The following FARP2 variants were observed in gnomAD, a reference collection of about 807,000 sequenced individuals.
FARP2 encodes FERM, ARH/RhoGEF and pleckstrin domain protein 2.
In FARP2, 111 loss-of-function variants were observed where a neutral mutation model predicts 130.5. The ratio of observed to expected loss-of-function variants is 0.85; its 90% CI spans 0.73 to 1.00. The LOEUF is 1.00. FARP2 is among the 50% of genes least tolerant of loss of function. The pLI, the probability that FARP2 is intolerant of heterozygous loss-of-function variation, is 0.00. For missense variants in FARP2, 1,385 were observed against 1,346.3 expected (o/e 1.03, Z -0.45); for synonymous variants, 504 against 516.9 (o/e 0.98, Z 0.34).
At chr2:241,415,089 G>C (rs769840953) in intron 7 of FARP2, among the ~76,000 whole-genome samples, 2 of 152,202 alleles carry the variant, frequency 1.3e-5, no homozygotes, top group Non-Finnish European at 2.9e-5. Context: ...CAGACCATGC[G>C]TGCAGAGCTC....
rs2062421438 is a variant in FARP2 at position 241,408,362 on chromosome 2, A to G, written c.410+747A>G. On this transcript the variant is annotated intron_variant, in intron 5 of 26. Transcript: ENST00000264042. ...ACTCTAGCCTGGGTGACAGAGCGAG[A>G]CTCCGTCTCAAAAAAAAAAAAGAAA... is the stretch of plus-strand genomic sequence containing the variant. 5.3e-5 allele frequency among the ~76,000 whole-genome samples: 8 copies of G among 150,462 alleles called. No homozygotes were observed. In the Admixed American group the frequency reaches 5.3e-4, roughly 10 times the overall value.
At chr2:241,381,369 C>T (rs1318246623) in intron 2 of FARP2, among the ~76,000 whole-genome samples, 3 of 152,060 alleles carry the variant, frequency 2.0e-5, no homozygotes, top group African/African-American at 4.8e-5. Flanking sequence ...GATTGAGGAC[C>T]GCTGACTTTG....
chr2:241,441,135 T>C (rs2063372311), intron 12 of FARP2, among the ~76,000 whole-genome samples, 169 bp from the exon 13 acceptor site: 3 of 152,228 alleles, frequency 2.0e-5, no homozygotes, highest in Non-Finnish European at 4.4e-5. Context: ...GCAATGCTAC[T>C]TTTACAAATC....
chr2:241,405,145 ATTC>A (rs1469625253), intron 4 of FARP2: 1 of 229,908 alleles, frequency 4.3e-6, no homozygotes, highest in Non-Finnish European at 8.5e-6. Context: ...AGACATTGAG[ATTC>A]TTCTTTTAAG....
chr2:241,418,114 G>A lies in FARP2; in HGVS notation c.771+5G>A, dbSNP rs1360534834. The stretch of plus-strand genomic sequence containing the variant: ...ATGGGTGTACTCGTGTTCCAGGTAG[G>A]CCAGTGGGGAAGGGAGGGGTGAGAA... On this transcript the variant is annotated splice_donor_5th_base_variant and intron_variant, in intron 8 of 26. Coordinates refer to ENST00000264042, the MANE Select transcript of FARP2 (RefSeq NM_014808.4). 1 of 1,614,184 alleles carries A rather than the reference G, an allele frequency of 6.2e-7. No individual in the cohort carries two copies. The highest frequency in any genetic ancestry group is 1.1e-5 in the South Asian group (1 of 91,084).
chr2:241,382,292 A>ATTTTTTTTT (rs772855102), intron 2 of FARP2, among the ~76,000 whole-genome samples: 1 of 126,264 alleles, frequency 7.9e-6, no homozygotes, highest in African/African-American at 2.9e-5. Flanking sequence ...TACAAAATCT[A>ATTTTTTTTT]TTTTTTTTTT....
intron 2 of FARP2, among the ~76,000 whole-genome samples, chr2:241,385,758 C>T (rs2061769463): frequency 6.6e-6 from 1 of 152,058 alleles, no homozygotes; most frequent in Admixed American, 6.6e-5. Context: ...TACCTATTTG[C>T]CCACACCCAG....
chr2:241,367,396 A>C (rs1037409654), intron 1 of FARP2, among the ~76,000 whole-genome samples: 1 of 152,102 alleles, frequency 6.6e-6, no homozygotes, highest in Non-Finnish European at 1.5e-5. Context: ...GCTTCCTCAC[A>C]TTGACTATTT....
At position 241,431,731 on chromosome 2, in the gene FARP2, T is replaced by C; in HGVS notation, c.824T>C (p.Phe275Ser). The change falls in exon 9 of 27, where the codon TTC (phenylalanine) becomes TCC (serine). Residue 275 changes from phenylalanine to serine, a missense_variant. Transcript: ENST00000264042. ...TGGTCCAAGGTCCGTAAACTAAGCT[T>C]CAAGAGGAAAAGATTTCTTATCAAA... ...FNWSKVRKLS[F>S]KRKRFLIKLH... The C allele has an allele frequency of 6.3e-7, 1 of 1,599,354 alleles. No homozygotes were observed. Among genetic ancestry groups the C allele is most frequent in the Non-Finnish European group, 8.5e-7 (1 of 1,169,824 alleles).
At position 241,475,323 on chromosome 2, in the gene FARP2, TA is replaced by T. The variant is rs570731604; in HGVS notation, c.2132-532del. On this transcript the variant is annotated intron_variant, in intron 18 of 26. Transcript: ENST00000264042. This position sits in a 1 kb window ranked among gnomAD's most constrained non-coding sequence, Gnocchi z 4.4. The stretch of plus-strand genomic sequence containing the variant: ...CTGCACATAGTAGGCAGCAGTCCTA[TA>T]AGTCCTATAAGGCAGGGGTCCCCAG... Among the ~76,000 whole-genome samples the T allele has an allele frequency of 1.5e-4, 23 of 152,328 alleles. No homozygotes were observed. Among genetic ancestry groups the T allele is most frequent in the African/African-American group, 4.8e-4 (20 of 41,576 alleles).
In FARP2 at chr2:241,475,772, G is replaced by A; in HGVS notation, c.2132-85G>A. ...TCTAATTAGAACTGCCTTTTAGAAT[G>A]CTGGTTCCTGTCACAAGGTGGTGGG... is the stretch of plus-strand genomic sequence containing the variant. On this transcript the variant is annotated intron_variant, in intron 18 of 26. Transcript: ENST00000264042. This position sits in a 1 kb window ranked among gnomAD's most constrained non-coding sequence, Gnocchi z 4.4. 2 of 1,252,686 alleles carry A rather than the reference G, an allele frequency of 1.6e-6. No homozygotes were observed. Among genetic ancestry groups the A allele is most frequent in the Admixed American group, 3.1e-5 (1 of 31,996 alleles). 77.6% of individuals were successfully genotyped at this position (1,252,686 alleles called of 1,614,324 possible).
intron 21 of FARP2, chr2:241,488,679 T>A (rs148604693): frequency 2.0e-5 from 3 of 152,190 alleles, no homozygotes; most frequent in African/African-American, 7.2e-5. Context: ...GGATTACAGG[T>A]GTGAGCCACC....
intron 2 of FARP2, among the ~76,000 whole-genome samples, chr2:241,380,680 TATA>T (rs935396958): frequency 4.1e-5 from 6 of 144,804 alleles, no homozygotes; most frequent in Non-Finnish European, 6.2e-5. Context: ...ATTATTATAT[TATA>T]ATAATAATAT....
chr2:241,358,296 C>A (rs1370637737), intron 1 of FARP2, among the ~76,000 whole-genome samples: 1 of 151,978 alleles, frequency 6.6e-6, no homozygotes, highest in African/African-American at 2.4e-5. Flanking sequence ...ACAAATAATC[C>A]GAGTAGAAAG....
intron 13 of FARP2, chr2:241,442,855 T>C (rs2063422496): frequency 4.0e-6 from 1 of 250,224 alleles, no homozygotes; most frequent in Admixed American, 5.2e-5. Context: ...ACATTCTGAA[T>C]GTTACACAAT....
intron 13 of FARP2, among the ~76,000 whole-genome samples, chr2:241,454,020 G>A (rs556530089): frequency 4.0e-5 from 6 of 151,808 alleles, no homozygotes; most frequent in East Asian, 1.9e-4. Context: ...TCCTGACCTC[G>A]TGATCCACCC....
chr2:241,363,098 A>G (rs2061226563), intron 1 of FARP2, among the ~76,000 whole-genome samples: 1 of 152,230 alleles, frequency 6.6e-6, no homozygotes, highest in Non-Finnish European at 1.5e-5. Context: ...ACTTTGCACC[A>G]GTAGTGAGTT....
intron 2 of FARP2, among the ~76,000 whole-genome samples, chr2:241,382,196 A>T (rs2061675763): frequency 6.6e-6 from 1 of 152,164 alleles, no homozygotes; most frequent in African/African-American, 2.4e-5. Flanking sequence ...TCTTTTCAAA[A>T]ATTAAACATT....
intron 2 of FARP2, among the ~76,000 whole-genome samples, chr2:241,373,768 G>A (rs952404284): frequency 3.3e-5 from 5 of 152,166 alleles, no homozygotes; most frequent in African/African-American, 1.2e-4. Flanking sequence ...TCATGCAGGA[G>A]GTGTTGTATG....
Sources: gnomAD v4.1 joint callset for allele counts (sites outside exome capture counted in the v4.1 genomes callset) on GRCh38, gnomAD v4.1.1 for gene constraint, Gnocchi (gnomAD v3.1) non-coding constraint, MANE v1.5 for transcripts, NCBI Gene and HGNC (gene_info 2026-07-23, HGNC 2026-07-21) for gene names.